KHDRBS2: variants seen among roughly 807,000 people sequenced by gnomAD.
The protein encoded by KHDRBS2 is KH domain-containing, RNA-binding, signal transduction-associated protein 2.
A neutral mutation model predicts 44.3 loss-of-function variants in KHDRBS2; 26 were observed. That is an observed-to-expected ratio of 0.59 (90% CI 0.43 to 0.81). The LOEUF is 0.81. KHDRBS2 is among the 40% of genes least tolerant of loss of function. The pLI is 0.00. For synonymous variants in KHDRBS2, 194 were observed against 151.1 expected (o/e 1.28, Z -2.08); for missense variants, 476 against 433.1 (o/e 1.10, Z -0.88).
intron 3 of KHDRBS2, among the ~76,000 whole-genome samples, chr6:61,984,828 C>A (rs544907452): frequency 1.3e-5 from 2 of 152,140 alleles, no homozygotes; most frequent in East Asian, 3.9e-4. Flanking sequence ...GTGTTTCTGC[C>A]AACATTAAAT....
intron 6 of KHDRBS2, among the ~76,000 whole-genome samples, chr6:61,882,728 A>G (rs1025356038): frequency 2.6e-5 from 4 of 152,036 alleles, no homozygotes; most frequent in African/African-American, 9.7e-5. Flanking sequence ...TGATAGAAGG[A>G]TTTAGCAGCC....
chr6:61,954,369 ACGTATGTATGCATGCATACATATAT>A lies in KHDRBS2; in HGVS notation c.483+23672_483+23696del, dbSNP rs1349421970. Among the ~76,000 whole-genome samples, 99 of 82,856 alleles carry A rather than the reference ACGTATGTATGCATGCATACATATAT, an allele frequency of 1.2e-3. 2 individuals carry two copies. The highest frequency in any genetic ancestry group is 3.0e-3 in the African/African-American group (86 of 28,654). 54.4% of individuals were successfully genotyped at this position (82,856 alleles called of 152,430 possible). ...TATACATATGTATGCATACATATAT[ACGTATGTATGCATGCATACATATAT>A]ACGTATGTATGCATGCATACATATA... On this transcript the variant is annotated intron_variant, in intron 4 of 8. Coordinates refer to ENST00000281156, the MANE Select transcript of KHDRBS2 (RefSeq NM_152688.4).
intron 1 of KHDRBS2, among the ~76,000 whole-genome samples, chr6:62,243,825 C>T (rs1448205251): frequency 6.6e-6 from 1 of 151,932 alleles, no homozygotes; most frequent in African/African-American, 2.4e-5. Context: ...AGGTGGTATG[C>T]CAAAAGCCAA....
At chr6:61,873,171 C>T (rs1439162546) in intron 6 of KHDRBS2, among the ~76,000 whole-genome samples, 1 of 151,938 alleles carries the variant, frequency 6.6e-6, no homozygotes, top group Admixed American at 6.6e-5. Context: ...AAATATTCTA[C>T]CACATTTAAA....
chr6:62,042,645 C>A (rs1469712608), intron 3 of KHDRBS2, among the ~76,000 whole-genome samples: 1 of 152,034 alleles, frequency 6.6e-6, no homozygotes, highest in Admixed American at 6.6e-5. Flanking sequence ...ATGGCTGGTG[C>A]TAGGTTCACA....
intron 1 of KHDRBS2, among the ~76,000 whole-genome samples, chr6:62,198,610 A>C (rs992626801): frequency 6.6e-6 from 1 of 152,176 alleles, no homozygotes; most frequent in Non-Finnish European, 1.5e-5. Context: ...TACCAACCAA[A>C]AAAAGTCCAG....
chr6:62,084,917 C>G (rs1798117006), intron 2 of KHDRBS2, among the ~76,000 whole-genome samples: 1 of 152,076 alleles, frequency 6.6e-6, no homozygotes, highest in Non-Finnish European at 1.5e-5. Context: ...TTAGTGAATT[C>G]TGAATTCTTA....
intron 7 of KHDRBS2, among the ~76,000 whole-genome samples, chr6:61,704,887 G>A (rs1001646678): frequency 2.0e-5 from 3 of 151,666 alleles, no homozygotes; most frequent in African/African-American, 7.3e-5. Context: ...ATGAACTTGG[G>A]CTTTTTTGTT....
At chr6:61,785,161 C>T (rs79158441) in intron 6 of KHDRBS2, among the ~76,000 whole-genome samples, 4,343 of 151,138 alleles carry the variant, frequency 0.029, 232 homozygotes, top group African/African-American at 0.1. Context: ...AAAAAACAAA[C>T]AAACAAACAA....
intron 6 of KHDRBS2, among the ~76,000 whole-genome samples, chr6:61,885,070 T>C (rs1011920619): frequency 5.8e-4 from 88 of 152,268 alleles, no homozygotes; most frequent in African/African-American, 2.0e-3. Context: ...CTGAAAACAC[T>C]ATTAACATCA....
the KHDRBS2 span, among the ~76,000 whole-genome samples, chr6:61,611,371 A>C: frequency 6.6e-6 from 1 of 152,218 alleles, no homozygotes; most frequent in Non-Finnish European, 1.5e-5. Context: ...AGAGACACAT[A>C]TGGAGCCATT....
intron 2 of KHDRBS2, among the ~76,000 whole-genome samples, chr6:62,089,911 C>G (rs974814087): frequency 6.6e-5 from 10 of 152,088 alleles, no homozygotes; most frequent in Non-Finnish European, 1.3e-4. Context: ...AATAAAGCCA[C>G]AGATAAGGGG....
intron 6 of KHDRBS2, among the ~76,000 whole-genome samples, chr6:61,805,819 A>G (rs1787067625): frequency 6.6e-6 from 1 of 152,214 alleles, no homozygotes; most frequent in Non-Finnish European, 1.5e-5. Context: ...TCCCTCGCCC[A>G]AAATGCGGGG....
chr6:61,614,571 A>G, the KHDRBS2 span, among the ~76,000 whole-genome samples: 1 of 152,198 alleles, frequency 6.6e-6, no homozygotes, highest in Non-Finnish European at 1.5e-5. Context: ...GACTTAAATT[A>G]TCTTGACCAT....
intron 1 of KHDRBS2, among the ~76,000 whole-genome samples, chr6:62,278,622 G>A (rs75569677): frequency 0.014 from 2,055 of 152,170 alleles, 25 homozygotes; most frequent in Middle Eastern, 0.041. Context: ...AAATGAATGC[G>A]GATGGGACAT....
At chr6:61,819,911 A>G (rs1257412134) in intron 6 of KHDRBS2, among the ~76,000 whole-genome samples, 1 of 152,060 alleles carries the variant, frequency 6.6e-6, no homozygotes, top group Non-Finnish European at 1.5e-5. Flanking sequence ...CAAAGTCCCA[A>G]ATAATGAACA....
the KHDRBS2 span, among the ~76,000 whole-genome samples, chr6:61,653,984 A>G: frequency 6.6e-6 from 1 of 152,034 alleles, no homozygotes; most frequent in African/African-American, 2.4e-5. Flanking sequence ...TTAAGAATAT[A>G]TTTACAGGAT....
intron 1 of KHDRBS2, among the ~76,000 whole-genome samples, chr6:62,200,105 C>A (rs556616269): frequency 4.6e-5 from 7 of 151,888 alleles, no homozygotes; most frequent in South Asian, 2.1e-4. Context: ...TAAAGACTTA[C>A]ATGTTAGACC....
intron 2 of KHDRBS2, among the ~76,000 whole-genome samples, chr6:62,130,467 G>A (rs1272597981): frequency 2.6e-5 from 4 of 151,934 alleles, no homozygotes; most frequent in African/African-American, 4.8e-5. Context: ...AAAATACTAC[G>A]TTTTTCATTA....
Sources: allele counts gnomAD v4.1 joint callset (sites outside exome capture counted in the v4.1 genomes callset), GRCh38; gene constraint gnomAD v4.1.1; transcripts MANE v1.5; gene names NCBI Gene and HGNC (gene_info 2026-07-23, HGNC 2026-07-21).